Variants in CADM2 observed in about 807,000 individuals in gnomAD.
CADM2 encodes cell adhesion molecule 2.
In CADM2, 12 loss-of-function variants were observed where a neutral mutation model predicts 49.8. The observed-to-expected ratio is 0.24, with a 90% confidence interval of 0.15 to 0.39. The LOEUF (loss-of-function observed/expected upper bound fraction) is 0.39. Among genes scored for constraint, CADM2 ranks in the 10% least tolerant of loss-of-function variants. The probability of loss-of-function intolerance (pLI) is 1.00; values close to 1 mark genes in which losing one functional copy is unlikely to be tolerated. For missense variants in CADM2, 378 were observed against 492.3 expected, an observed-to-expected ratio of 0.77 and a Z score of 2.20; for synonymous variants, 214 against 175.4, an observed-to-expected ratio of 1.22 and a Z score of -1.74.
intron 1 of CADM2, among the ~76,000 whole-genome samples, chr3:85,308,080 C>T (rs377013925): frequency 1.3e-5 from 2 of 151,760 alleles, no homozygotes; most frequent in African/African-American, 4.8e-5. Context: ...TATTCAGCCA[C>T]GATTCAGTAA....
intron 1 of CADM2, among the ~76,000 whole-genome samples, chr3:84,970,745 A>G (rs1379800476): frequency 2.0e-5 from 3 of 152,042 alleles, no homozygotes; most frequent in African/African-American, 4.8e-5. Context: ...CATAGCTTCT[A>G]TTAGCACCTA....
intron 1 of CADM2, among the ~76,000 whole-genome samples, chr3:85,336,951 A>AT (rs1314050211): frequency 2.2e-5 from 1 of 44,518 alleles, no homozygotes; most frequent in East Asian, 4.8e-4. Context: ...ATATATATAT[A>AT]TTTAATATAT....
chr3:85,366,884 G>T (rs1405093460), intron 1 of CADM2, among the ~76,000 whole-genome samples: 1 of 151,866 alleles, frequency 6.6e-6, no homozygotes, highest in African/African-American at 2.4e-5. Context: ...GAGGTATGAA[G>T]AAAATAGTTT....
At chr3:85,551,979 C>CT (rs1238092993) in intron 1 of CADM2, among the ~76,000 whole-genome samples, 13 of 148,394 alleles carry the variant, frequency 8.8e-5, no homozygotes, top group African/African-American at 2.7e-4. Context: ...ATTATATACA[C>CT]TTTTTTACAC....
intron 1 of CADM2, among the ~76,000 whole-genome samples, chr3:85,629,026 A>G (rs1436033647): frequency 2.0e-5 from 3 of 151,796 alleles, no homozygotes; most frequent in African/African-American, 7.2e-5. Flanking sequence ...TTTATTTCAG[A>G]CAGAAATATG....
At chr3:85,263,327 C>A (rs1188304550) in intron 1 of CADM2, among the ~76,000 whole-genome samples, 1 of 151,970 alleles carries the variant, frequency 6.6e-6, no homozygotes, top group African/African-American at 2.4e-5. Flanking sequence ...TATACCATAA[C>A]CTATGCCTCT....
chr3:85,470,542 A>G (rs1474770112), intron 1 of CADM2, among the ~76,000 whole-genome samples: 1 of 152,222 alleles, frequency 6.6e-6, no homozygotes, highest in Non-Finnish European at 1.5e-5. Context: ...AACTATATGA[A>G]TGGGTATCCT....
intron 1 of CADM2, among the ~76,000 whole-genome samples, chr3:85,529,992 A>G (rs1351474942): frequency 6.6e-6 from 1 of 152,082 alleles, no homozygotes; most frequent in African/African-American, 2.4e-5. Flanking sequence ...GGGTAGTGAT[A>G]TGGTTAGGCT....
intron 2 of CADM2, among the ~76,000 whole-genome samples, chr3:85,768,705 C>T (rs1222474775): frequency 7.0e-6 from 1 of 143,382 alleles, no homozygotes; most frequent in Non-Finnish European, 1.5e-5. Flanking sequence ...TATAAATATA[C>T]ACATATACAC....
chr3:85,535,084 G>GA (rs76034006), intron 1 of CADM2, among the ~76,000 whole-genome samples: 77,904 of 151,942 alleles, frequency 0.51, 23,051 homozygotes, highest in East Asian at 0.85. Context: ...TCAGTAATTT[G>GA]AGTTCATTTT....
At chr3:85,066,160 G>A (rs550345371) in intron 1 of CADM2, among the ~76,000 whole-genome samples, 1 of 152,044 alleles carries the variant, frequency 6.6e-6, no homozygotes, top group Non-Finnish European at 1.5e-5. Context: ...ATTCAGAAGA[G>A]GGTGCCTTCA....
chr3:85,855,634 A>C, intron 3 of CADM2, among the ~76,000 whole-genome samples: 1 of 113,478 alleles, frequency 8.8e-6, no homozygotes, highest in Non-Finnish European at 1.9e-5. Context: ...ATATATATAT[A>C]TATATATTTT....
At chr3:85,640,874 TA>T (rs1379994373) in intron 1 of CADM2, among the ~76,000 whole-genome samples, 3 of 151,448 alleles carry the variant, frequency 2.0e-5, no homozygotes, top group African/African-American at 7.3e-5. Flanking sequence ...TTCTGGAATT[TA>T]AGCAAGTCTT....
At chr3:85,529,260 C>T (rs913325835) in intron 1 of CADM2, among the ~76,000 whole-genome samples, 1 of 152,156 alleles carries the variant, frequency 6.6e-6, no homozygotes, top group Non-Finnish European at 1.5e-5. Flanking sequence ...GAGCACTTAG[C>T]GATTGGGTCT....
chr3:85,654,718 A>G (rs916746930), intron 1 of CADM2, among the ~76,000 whole-genome samples: 2 of 152,136 alleles, frequency 1.3e-5, no homozygotes, highest in African/African-American at 2.4e-5. Context: ...TTCCCCATGC[A>G]TATTTTTTGT....
intron 1 of CADM2, among the ~76,000 whole-genome samples, chr3:84,995,328 A>G (rs2033119181): frequency 6.6e-6 from 1 of 152,222 alleles, no homozygotes; most frequent in African/African-American, 2.4e-5. Flanking sequence ...CCTCGTTTGC[A>G]ACTAACTCAG....
chr3:85,783,107 T>C (rs1233703917), intron 2 of CADM2, among the ~76,000 whole-genome samples: 1 of 152,174 alleles, frequency 6.6e-6, no homozygotes, highest in African/African-American at 2.4e-5. Flanking sequence ...TTTCTATTCA[T>C]ATAAGAAGAT....
At chr3:85,683,323 G>A (rs1236282137) in intron 1 of CADM2, among the ~76,000 whole-genome samples, 5 of 152,106 alleles carry the variant, frequency 3.3e-5, no homozygotes, top group African/African-American at 1.2e-4. Context: ...ACCCTAACAC[G>A]ATATTGTTCT....
chr3:85,696,733 G>T (rs1267932428), intron 1 of CADM2, among the ~76,000 whole-genome samples: 1 of 151,536 alleles, frequency 6.6e-6, no homozygotes, highest in African/African-American at 2.4e-5. Flanking sequence ...TTGTCTTTGG[G>T]CTTATAATAA....
Sources: allele counts gnomAD v4.1 joint callset (sites outside exome capture counted in the v4.1 genomes callset), GRCh38; gene constraint gnomAD v4.1.1; transcripts MANE v1.5; gene names NCBI Gene and HGNC (gene_info 2026-07-23, HGNC 2026-07-21).